VAMP7: variants seen among roughly 807,000 people sequenced by gnomAD.
VAMP7 encodes the protein vesicle associated membrane protein 7.
Under a neutral mutation model 29.6 loss-of-function variants are expected in VAMP7, and 14 were observed. That is an observed-to-expected ratio of 0.47 (90% CI 0.31 to 0.74). VAMP7 has a LOEUF of 0.74. VAMP7 is among the 30% of genes least tolerant of loss of function. The probability of loss-of-function intolerance (pLI) is 0.05; values close to 1 mark genes in which losing one functional copy is unlikely to be tolerated. For synonymous variants in VAMP7, 95 were observed against 88.1 expected, an observed-to-expected ratio of 1.08 and a Z score of -0.44; for missense variants, 223 against 262.4, an observed-to-expected ratio of 0.85 and a Z score of 1.04.
intron 6 of VAMP7, among the ~76,000 whole-genome samples, chrX:155,934,552 G>T (rs2066617340): frequency 6.6e-6 from 1 of 152,006 alleles, no homozygotes; most frequent in Non-Finnish European, 1.5e-5. Context: ...CCATTTGCTT[G>T]GTAGATCTTC....
At chrX:155,888,843 A>T (rs1296338925) in intron 1 of VAMP7, among the ~76,000 whole-genome samples, 1 of 152,132 alleles carries the variant, frequency 6.6e-6, no homozygotes, top group Non-Finnish European at 1.5e-5. Context: ...TAGCTCTGTA[A>T]TTTGGGGGAA....
intron 6 of VAMP7, among the ~76,000 whole-genome samples, chrX:155,923,577 A>G (rs1405005965): frequency 6.7e-6 from 1 of 150,100 alleles, no homozygotes; most frequent in Non-Finnish European, 1.5e-5. Flanking sequence ...CATAAAGTGT[A>G]TTTTTTTTTC....
At chrX:155,929,663 C>A (rs1211974858) in intron 6 of VAMP7, among the ~76,000 whole-genome samples, 9 of 152,074 alleles carry the variant, frequency 5.9e-5, no homozygotes, top group Non-Finnish European at 1.0e-4. Flanking sequence ...GGCTTATTCC[C>A]AGATATTCTT....
chrX:155,927,068 G>A (rs2066478306), intron 6 of VAMP7, among the ~76,000 whole-genome samples: 1 of 152,098 alleles, frequency 6.6e-6, no homozygotes, highest in African/African-American at 2.4e-5. Flanking sequence ...TGAAAAGTTT[G>A]AAATGTTATA....
chrX:155,882,056 C>A (rs184341360), intron 1 of VAMP7, among the ~76,000 whole-genome samples: 2 of 152,302 alleles, frequency 1.3e-5, no homozygotes, highest in Admixed American at 6.5e-5. Flanking sequence ...ATAACTCTCA[C>A]AACCAACCAA....
intron 5 of VAMP7, among the ~76,000 whole-genome samples, chrX:155,917,559 G>A (rs768998183): frequency 6.6e-6 from 1 of 152,188 alleles, no homozygotes; most frequent in South Asian, 2.1e-4. Context: ...CTTCTAACAG[G>A]CCTCTCTGCT....
intron 7 of VAMP7, 123 bp downstream of exon 7, chrX:155,939,916 A>C: frequency 1.2e-6 from 1 of 828,258 alleles, no homozygotes; most frequent in Non-Finnish European, 2.0e-6. Context: ...ATAGTGAAAC[A>C]CATGACCAGG....
chrX:155,909,297 C>T (rs2066199288), intron 5 of VAMP7, among the ~76,000 whole-genome samples: 1 of 152,138 alleles, frequency 6.6e-6, no homozygotes, highest in South Asian at 2.1e-4. Flanking sequence ...CTAAGATCCT[C>T]TTCATTTTGT....
At chrX:155,913,734 A>T (rs1480614576) in intron 5 of VAMP7, among the ~76,000 whole-genome samples, 1 of 152,072 alleles carries the variant, frequency 6.6e-6, no homozygotes, top group African/African-American at 2.4e-5. Context: ...TGGTCTATGT[A>T]TCTGTTTTGG....
intron 5 of VAMP7, among the ~76,000 whole-genome samples, chrX:155,918,579 G>A (rs770226501): frequency 6.6e-6 from 1 of 152,138 alleles, no homozygotes; most frequent in Non-Finnish European, 1.5e-5. Context: ...CCGACCCCTT[G>A]TGCTTCCTGG....
At chrX:155,913,694 G>A (rs751167561) in intron 5 of VAMP7, among the ~76,000 whole-genome samples, 173 of 152,054 alleles carry the variant, frequency 1.1e-3, no homozygotes, top group African/African-American at 2.7e-3. Context: ...GATGTGTAGC[G>A]TTATTTCTGA....
In VAMP7 at chrX:155,900,530, G is replaced by A. The variant is rs772862018; in HGVS notation, c.376G>A (p.Val126Met). Residue 126 changes from valine to methionine, a missense_variant, in exon 5 of 8, where the codon GTG becomes ATG. Physicochemically the swap from Val to Met is conservative, Grantham distance 21. Coordinates refer to ENST00000286448, the MANE Select transcript of VAMP7 (RefSeq NM_005638.6). Reference protein sequence around the residue: ...HHSENKGLDKVMETQAQVDEL... With the variant: ...HHSENKGLDKMMETQAQVDEL... ...CTCTGAGAATAAGGGCCTAGACAAA[G>A]TGATGGAGACTCAAGCCCAAGTGGA... 16 of 1,610,908 alleles carry A rather than the reference G, an allele frequency of 9.9e-6. No homozygotes were observed. Among genetic ancestry groups the A allele is most frequent in the Non-Finnish European group, 8.5e-7 (1 of 1,178,290 alleles).
At chrX:155,933,713 G>C (rs142465446) in intron 6 of VAMP7, among the ~76,000 whole-genome samples, 1 of 152,030 alleles carries the variant, frequency 6.6e-6, no homozygotes, top group African/African-American at 2.4e-5. Flanking sequence ...GTTCAGTTCT[G>C]CTCTGAGTTA....
rs1278676248 is a variant in VAMP7, at chrX:155,881,382, G to T, written c.-76G>T. 1.3e-5 allele frequency: 2 copies of T among 152,236 alleles called. No homozygotes were observed. The highest frequency in any genetic ancestry group is 4.8e-5 in the African/African-American group (2 of 41,452). The allele number at this position is 152,236 out of a possible 1,614,324, so 9.4% of individuals were successfully genotyped here. A position where few individuals can be genotyped will look rare whatever the true frequency, so the allele number is the denominator to read the frequency against. Reference sequence around the variant, plus strand: ...CAGCCTCCTCTGGGAGCGGGCAGTTGGCGACCCTGCACTGACCCGCGTCCC... The same window carrying T: ...CAGCCTCCTCTGGGAGCGGGCAGTTTGCGACCCTGCACTGACCCGCGTCCC... On this transcript the variant is annotated 5_prime_UTR_variant, in exon 1 of 8. Transcript: ENST00000286448.
chrX:155,900,466 G>A lies in VAMP7; in HGVS notation c.343-31G>A, dbSNP rs376154108. 9 of 1,529,470 alleles carry A rather than the reference G, an allele frequency of 5.9e-6. No homozygotes were observed. In the African/African-American group the frequency reaches 9.7e-5, roughly 16 times the overall value. The allele number at this position is 1,529,470 out of a possible 1,614,324, so 94.7% of individuals were successfully genotyped here. On this transcript the variant is annotated intron_variant, in intron 4 of 7. Transcript: ENST00000286448. ...TTTTCCTATTGTAAATAATGTCTAGGTACCATAAGTTAAAACTTATTTTCT... is the reference window on the plus strand; with the variant it reads ...TTTTCCTATTGTAAATAATGTCTAGATACCATAAGTTAAAACTTATTTTCT...
At chrX:155,886,723 A>G (rs1447581766) in intron 1 of VAMP7, among the ~76,000 whole-genome samples, 9 of 152,196 alleles carry the variant, frequency 5.9e-5, no homozygotes, top group African/African-American at 1.4e-4. Context: ...AGTATTTTAC[A>G]TATGTTCTAA....
chrX:155,909,232 T>G (rs1198228174), intron 5 of VAMP7, among the ~76,000 whole-genome samples: 1 of 152,206 alleles, frequency 6.6e-6, no homozygotes, highest in Non-Finnish European at 1.5e-5. Flanking sequence ...TAGGAATTTG[T>G]GCATTTCATC....
intron 5 of VAMP7, among the ~76,000 whole-genome samples, chrX:155,905,125 T>C (rs1208980244): frequency 6.6e-6 from 1 of 151,916 alleles, no homozygotes; most frequent in Non-Finnish European, 1.5e-5. Context: ...AGTGAAATGG[T>C]ACTTTATTGT....
intron 5 of VAMP7, among the ~76,000 whole-genome samples, chrX:155,909,590 C>A (rs2066205889): frequency 6.6e-6 from 1 of 152,124 alleles, no homozygotes; most frequent in African/African-American, 2.4e-5. Context: ...AATTTGAGAT[C>A]ATTTGTCTTA....
Sources: gnomAD v4.1 joint callset for allele counts (sites outside exome capture counted in the v4.1 genomes callset) on GRCh38, gnomAD v4.1.1 for gene constraint, MANE v1.5 for transcripts, NCBI Gene and HGNC (gene_info 2026-07-23, HGNC 2026-07-21) for gene names.